CNOT6L: variants seen among roughly 807,000 people sequenced by gnomAD.
CNOT6L encodes CCR4-NOT transcription complex subunit 6-like.
In CNOT6L, 7 loss-of-function variants were observed where a neutral mutation model predicts 64.0. The observed-to-expected ratio is 0.11, with a 90% confidence interval of 0.06 to 0.21. The LOEUF (loss-of-function observed/expected upper bound fraction) is 0.21, where lower values mean the gene tolerates loss of function less well. CNOT6L is among the 10% of genes least tolerant of loss of function. The pLI is 1.00. For missense variants in CNOT6L, 245 were observed against 669.0 expected, an observed-to-expected ratio of 0.37 and a Z score of 6.99; for synonymous variants, 193 against 243.4, an observed-to-expected ratio of 0.79 and a Z score of 1.93.
At chr4:77,733,091 G>A (rs958905810) in intron 8 of CNOT6L, among the ~76,000 whole-genome samples, 5 of 151,956 alleles carry the variant, frequency 3.3e-5, no homozygotes, top group African/African-American at 9.7e-5. Context: ...TTTAAGCTGT[G>A]GAATACCTTT....
chr4:77,813,441 C>T (rs1029073344), intron 1 of CNOT6L, among the ~76,000 whole-genome samples: 3 of 152,106 alleles, frequency 2.0e-5, no homozygotes, highest in Non-Finnish European at 2.9e-5. Flanking sequence ...AAGCTAAAAA[C>T]GTTTGTGCCT....
chr4:77,732,039 T>G (rs1282988857), intron 8 of CNOT6L, among the ~76,000 whole-genome samples: 2 of 152,118 alleles, frequency 1.3e-5, no homozygotes, highest in Non-Finnish European at 2.9e-5. Flanking sequence ...TTTGTAGTTT[T>G]ATTTCTACCA....
rs1577971531 is a variant in CNOT6L at position 77,774,757 on chromosome 4, C to T, written c.128-41G>A. 3.0e-6 allele frequency: 4 copies of T among 1,324,280 alleles called. No homozygotes were observed. In the East Asian group the frequency reaches 1.1e-4, roughly 35 times the overall value. The allele number at this position is 1,324,280 out of a possible 1,614,324, so 82.0% of individuals were successfully genotyped here. A position where few individuals can be genotyped will look rare whatever the true frequency, so the allele number is the denominator to read the frequency against. On this transcript the variant is annotated intron_variant, in intron 2 of 11. Transcript: ENST00000504123. ...CTGAAGTGTAAAAAAAAACCCCAGG[C>T]CCAAGATGACACCTAAACTACAACG... is the stretch of plus-strand genomic sequence containing the variant.
intron 1 of CNOT6L, among the ~76,000 whole-genome samples, chr4:77,789,290 AGCTCCCCCCAC>A (rs966861112): frequency 6.6e-6 from 1 of 151,938 alleles, no homozygotes; most frequent in African/African-American, 2.4e-5. Context: ...CTGAGTACAC[AGCTCCCCCCAC>A]GCTCCCCCCA....
chr4:77,775,837 C>T (rs992458964), intron 2 of CNOT6L, among the ~76,000 whole-genome samples: 1 of 152,112 alleles, frequency 6.6e-6, no homozygotes, highest in East Asian at 1.9e-4. Flanking sequence ...TTAGGAATCA[C>T]ATTCTATTTT....
In CNOT6L at chr4:77,774,545, T is replaced by C. The variant is rs779585443; in HGVS notation, c.299A>G (p.Asn100Ser). The C allele has an allele frequency of 1.8e-5, 29 of 1,609,676 alleles. No individual in the cohort carries two copies. The highest frequency in any genetic ancestry group is 3.4e-6 in the Non-Finnish European group (4 of 1,178,338). Residue 100 changes from asparagine to serine, a missense_variant, in exon 3 of 12, where the codon AAC (asparagine) becomes AGC (serine). Around this residue, in one of 10 missense-constraint regions of CNOT6L, gnomAD observed 78 missense variants for 137.6 expected, o/e 0.57. Coordinates refer to ENST00000504123, the MANE Select transcript of CNOT6L (RefSeq NM_144571.3). ...ATTTCCTCACCTGAGAGACACCATG[T>C]TTCCTAGTTCTGCTGGTAAACTTCT... is the stretch of plus-strand genomic sequence containing the variant. Reference protein sequence around the residue: ...KLRSLPAELGNMVSLRELLLN... With the variant: ...KLRSLPAELGSMVSLRELLLN...
intron 5 of CNOT6L, 73 bp from the exon 6 acceptor site, chr4:77,748,457 A>C: frequency 1.0e-6 from 1 of 964,572 alleles, no homozygotes; most frequent in Non-Finnish European, 1.7e-6. Flanking sequence ...TAATGTCAAA[A>C]ACACTTCTGT....
chr4:77,762,348 TCAAA>T (rs924840471), intron 4 of CNOT6L, among the ~76,000 whole-genome samples: 1 of 152,126 alleles, frequency 6.6e-6, no homozygotes, highest in African/African-American at 2.4e-5. Context: ...ACTACAACAA[TCAAA>T]CATTTTGATA....
intron 1 of CNOT6L, among the ~76,000 whole-genome samples, chr4:77,799,264 C>T (rs1731222477): frequency 6.6e-6 from 1 of 152,010 alleles, no homozygotes; most frequent in African/African-American, 2.4e-5. Context: ...CCTGTTTCTA[C>T]AAAAAACAAA....
intron 1 of CNOT6L, among the ~76,000 whole-genome samples, chr4:77,790,480 A>G (rs1730002336): frequency 6.6e-6 from 1 of 152,188 alleles, no homozygotes; most frequent in South Asian, 2.1e-4. Flanking sequence ...GTTTTGTAAG[A>G]AACTGCCAAA....
chr4:77,722,263 C>A (rs2109853828), intron 11 of CNOT6L, among the ~76,000 whole-genome samples: 1 of 152,126 alleles, frequency 6.6e-6, no homozygotes, highest in East Asian at 1.9e-4. Context: ...TGAACAGAAT[C>A]TCCTATAGGG....
At chr4:77,814,635 T>G (rs953624343) in intron 1 of CNOT6L, among the ~76,000 whole-genome samples, 10 of 152,290 alleles carry the variant, frequency 6.6e-5, no homozygotes, top group Admixed American at 3.9e-4. Flanking sequence ...GGTTTTCAAT[T>G]TTCAAGATGC....
intron 5 of CNOT6L, among the ~76,000 whole-genome samples, chr4:77,754,693 T>G (rs1332175083): frequency 6.6e-6 from 1 of 151,762 alleles, no homozygotes; most frequent in African/African-American, 2.4e-5. Context: ...AATTAAACAC[T>G]GTTACATTGC....
chr4:77,753,539 T>C (rs1358117652), intron 5 of CNOT6L, among the ~76,000 whole-genome samples: 1 of 151,886 alleles, frequency 6.6e-6, no homozygotes. Flanking sequence ...GGCGTGGTGG[T>C]GTGTGCCTCT....
chr4:77,810,592 T>C (rs1030847847), intron 1 of CNOT6L, among the ~76,000 whole-genome samples: 6 of 152,150 alleles, frequency 3.9e-5, no homozygotes, highest in Non-Finnish European at 7.4e-5. Context: ...AGCGATCAGA[T>C]CAAGGTAATC....
At chr4:77,801,606 T>C (rs932525621) in intron 1 of CNOT6L, among the ~76,000 whole-genome samples, 1 of 147,588 alleles carries the variant, frequency 6.8e-6, no homozygotes, top group Non-Finnish European at 1.5e-5. Flanking sequence ...CCATGTCTAT[T>C]ATTACTCCAC....
At chr4:77,808,443 G>C (rs1732500058) in intron 1 of CNOT6L, among the ~76,000 whole-genome samples, 1 of 143,712 alleles carries the variant, frequency 7.0e-6, no homozygotes, top group African/African-American at 2.6e-5. Context: ...GCCTGGGTGA[G>C]AGTGGGACTC....
At chr4:77,771,340 A>G (rs1727540933) in intron 4 of CNOT6L, among the ~76,000 whole-genome samples, 1 of 152,190 alleles carries the variant, frequency 6.6e-6, no homozygotes, top group African/African-American at 2.4e-5. Flanking sequence ...CAAAAAAAAA[A>G]AGTAAATTAT....
chr4:77,744,897 AACAG>A (rs1724022607), intron 6 of CNOT6L, 22 bp from the exon 7 acceptor site: 2 of 1,579,148 alleles, frequency 1.3e-6, no homozygotes, highest in South Asian at 1.2e-5. Context: ...GAGAAAAAAC[AACAG>A]ACAAACGGGA....
Sources: allele counts gnomAD v4.1 joint callset (sites outside exome capture counted in the v4.1 genomes callset), GRCh38; gene constraint gnomAD v4.1.1; regional missense constraint gnomAD v4.1.1; transcripts MANE v1.5; gene names NCBI Gene and HGNC (gene_info 2026-07-23, HGNC 2026-07-21).